The following KRT40 variants were observed in gnomAD, a reference collection of about 807,000 sequenced individuals.
KRT40 encodes the protein keratin 40.
In KRT40, 47 loss-of-function variants were observed where a neutral mutation model predicts 43.5. The observed-to-expected ratio is 1.08, with a 90% CI of 0.86 to 1.38. The LOEUF is 1.38. Ranked by LOEUF, KRT40 falls within the 40% of genes most tolerant of loss-of-function variation. The pLI, the probability that KRT40 is intolerant of heterozygous loss-of-function variation, is 0.00. For missense variants in KRT40, 573 were observed against 523.6 expected (o/e 1.09, Z -0.92); for synonymous variants, 212 against 214.0 (o/e 0.99, Z 0.08).
intron 2 of KRT40, 46 bp from the exon 3 acceptor site, chr17:40,982,509 G>C: frequency 5.5e-6 from 8 of 1,458,112 alleles, no homozygotes; most frequent in Non-Finnish European, 7.3e-6. Context: ...GCTGAACGCT[G>C]TGCAAAGTGT....
At chr17:40,980,110 C>T (rs1912055248) in intron 5 of KRT40, among the ~76,000 whole-genome samples, 1 of 152,296 alleles carries the variant, frequency 6.6e-6, no homozygotes, top group East Asian at 1.9e-4. Context: ...TCCAAGTTTG[C>T]CTCTTAGAAT....
chr17:40,981,685 G>A (rs998921201), intron 3 of KRT40, among the ~76,000 whole-genome samples: 1 of 152,152 alleles, frequency 6.6e-6, no homozygotes, highest in African/African-American at 2.4e-5. Context: ...CCTGTGGACT[G>A]GAGCTAGGGG....
At chr17:40,978,774 G>T (rs749518781) in intron 6 of KRT40, 30 bp downstream of exon 6, 1 of 1,579,584 alleles carries the variant, frequency 6.3e-7, no homozygotes, top group Non-Finnish European at 8.7e-7. Flanking sequence ...TGTGACTCTG[G>T]GGGATTTCAT....
chr17:40,978,340 T>G, intron 6 of KRT40, 44 bp from the exon 7 acceptor site: 2 of 1,467,374 alleles, frequency 1.4e-6, no homozygotes, highest in Non-Finnish European at 1.9e-6. Flanking sequence ...AAGGGAATGT[T>G]GATAAAATGG....
intron 3 of KRT40, chr17:40,981,408 A>T: frequency 1.5e-6 from 1 of 679,334 alleles, no homozygotes; most frequent in Non-Finnish European, 2.6e-6. Flanking sequence ...TAATTAACTT[A>T]TAAAAGTTAA....
upstream of KRT40, chr17:40,986,190 C>T (rs1912459061): frequency 2.0e-5 from 3 of 152,242 alleles, 1 homozygote; most frequent in South Asian, 4.1e-4. Flanking sequence ...GGGTGCAGCG[C>T]ACCAGTATGG....
At position 40,978,080 on chromosome 17, in the gene KRT40, TC is replaced by T; in HGVS notation, c.*116del. On this transcript the variant is annotated 3_prime_UTR_variant, in exon 7 of 7. Transcript: ENST00000377755. ...AGACTGAGGATACCTGGAGGGCAAT[TC>T]CAGGATATGAGAGCCTCCTGGATTT... 1 of 722,568 alleles carries T rather than the reference TC, an allele frequency of 1.4e-6. No individual in the cohort carries two copies. Among genetic ancestry groups the T allele is most frequent in the African/African-American group, 1.7e-5 (1 of 57,478 alleles). The allele number at this position is 722,568 out of a possible 1,614,324, so 44.8% of individuals were successfully genotyped here.
chr17:40,985,544 A>AT (rs1912431889), upstream of KRT40, among the ~76,000 whole-genome samples: 1 of 152,178 alleles, frequency 6.6e-6, no homozygotes, highest in Non-Finnish European at 1.5e-5. Context: ...GAATAAACTT[A>AT]TTTTTTCTCC....
At chr17:40,982,562 G>T in intron 2 of KRT40, 99 bp from the exon 3 acceptor site, 1 of 960,290 alleles carries the variant, frequency 1.0e-6, no homozygotes, top group Non-Finnish European at 1.4e-6. Context: ...AGGAAGCCAT[G>T]TGCATAATTT....
intron 5 of KRT40, 66 bp downstream of exon 5, chr17:40,980,719 G>T: frequency 6.6e-7 from 1 of 1,508,810 alleles, no homozygotes. Context: ...GGATATGGAA[G>T]AGGGCTTAAC....
intron 3 of KRT40, 119 bp from the exon 4 acceptor site, chr17:40,981,270 A>C: frequency 6.4e-7 from 1 of 1,568,490 alleles, no homozygotes; most frequent in South Asian, 1.1e-5. Context: ...ATTTTGATTC[A>C]GATTGCCTGG....
In KRT40 at chr17:40,981,202, A is replaced by C. The variant is rs752678563; in HGVS notation, c.688-51T>G. The C allele has an allele frequency of 1.5e-5, 24 of 1,610,952 alleles. No individual in the cohort carries two copies. In the South Asian group the frequency reaches 2.6e-4, roughly 18 times the overall value. ...GTCACAGAATGGTGGGGAAAAATCCATTTGACATCCAATGGCATTCTACTT... is the reference window on the plus strand; with the variant it reads ...GTCACAGAATGGTGGGGAAAAATCCCTTTGACATCCAATGGCATTCTACTT... On this transcript the variant is annotated intron_variant, in intron 3 of 6. Transcript: ENST00000377755.
Position 40,983,118 on chromosome 17 carries a change from G to A in KRT40, c.458C>T (p.Thr153Met), listed in dbSNP as rs9908304. The A allele has an allele frequency of 0.27, 394,845 of 1,445,398 alleles. 60,423 individuals are homozygous for A. Among genetic ancestry groups the A allele is most frequent in the African/African-American group, 0.62 (43,097 of 69,228 alleles). 89.5% of individuals were successfully genotyped at this position (1,445,398 alleles called of 1,614,324 possible). Residue 153 changes from threonine to methionine, a missense_variant, in exon 2 of 7, where the codon ACG (threonine) becomes ATG (methionine). Thr to Met is a moderately conservative substitution (Grantham distance 81, BLOSUM62 -1). Transcript: ENST00000377755. The stretch of plus-strand genomic sequence containing the variant: ...AGCAAGTCTAGAATTCTCTGCTTTC[G>A]TGCATAAGATCTGGGAAGCAAGTCA... ...IEDLQQKILC[T>M]KAENSRLAVQ... is the part of the protein sequence containing the mutation.
chr17:40,980,186 A>T (rs1193130089), intron 5 of KRT40, among the ~76,000 whole-genome samples: 1 of 152,224 alleles, frequency 6.6e-6, no homozygotes, highest in Non-Finnish European at 1.5e-5. Context: ...GGATAAAGGT[A>T]TCTATCCGGT....
At chr17:40,979,311 C>T (rs887869275) in intron 5 of KRT40, among the ~76,000 whole-genome samples, 1 of 151,960 alleles carries the variant, frequency 6.6e-6, no homozygotes, top group Non-Finnish European at 1.5e-5. Context: ...GTCAGAAGAT[C>T]GAGACCATCC....
At chr17:40,984,658 A>G (rs1912382918), upstream of KRT40, among the ~76,000 whole-genome samples, 1 of 152,198 alleles carries the variant, frequency 6.6e-6, no homozygotes, top group African/African-American at 2.4e-5. Flanking sequence ...CAGGAAAATA[A>G]TATGTCCACA....
At chr17:40,981,383 G>T in intron 3 of KRT40, 1 of 755,346 alleles carries the variant, frequency 1.3e-6, no homozygotes, top group East Asian at 2.7e-5. Flanking sequence ...AGATCTAGAA[G>T]AGTCAATCTA....
At position 40,982,287 on chromosome 17, in the gene KRT40, G is replaced by A. The variant is rs765729340; in HGVS notation, c.687+20C>T. On this transcript the variant is annotated intron_variant, in intron 3 of 6. Transcript: ENST00000377755. ...TACGTTACTCTCGGAGTCCTTCAGCGGAGTTGCCACTTTCCTTACCTCTTC... is the reference window on the plus strand; with the variant it reads ...TACGTTACTCTCGGAGTCCTTCAGCAGAGTTGCCACTTTCCTTACCTCTTC... 1.2e-5 allele frequency: 19 copies of A among 1,526,362 alleles called. No individual in the cohort carries two copies. Among genetic ancestry groups the A allele is most frequent in the Admixed American group, 4.4e-5 (2 of 45,464 alleles). The allele number at this position is 1,526,362 out of a possible 1,614,324, so 94.6% of individuals were successfully genotyped here. A position where few individuals can be genotyped will look rare whatever the true frequency, so the allele number is the denominator to read the frequency against.
chr17:40,979,034 G>A lies in KRT40; in HGVS notation c.976-10C>T. On this transcript the variant is annotated splice_polypyrimidine_tract_variant and intron_variant, in intron 5 of 6. Coordinates refer to ENST00000377755, the MANE Select transcript of KRT40 (RefSeq NM_001389244.1). ...ATTCCAGAGATTCTGTCTGCGGGAG[G>A]AAACATTGTCCAAAGGACCATGAAG... 1.2e-6 allele frequency: 2 copies of A among 1,608,462 alleles called. No homozygotes were observed. Among genetic ancestry groups the A allele is most frequent in the Non-Finnish European group, 1.7e-6 (2 of 1,175,466 alleles).
Sources: gnomAD v4.1 joint callset for allele counts (sites outside exome capture counted in the v4.1 genomes callset) on GRCh38, gnomAD v4.1.1 for gene constraint, MANE v1.5 for transcripts, NCBI Gene and HGNC (gene_info 2026-07-23, HGNC 2026-07-21) for gene names.